VSNL1: variants seen among roughly 807,000 people sequenced by gnomAD.
VSNL1 encodes visinin-like protein 1.
Under a neutral mutation model 20.4 loss-of-function variants are expected in VSNL1, and 6 were observed. That is an observed-to-expected ratio of 0.29 (90% CI 0.16 to 0.58). The LOEUF (loss-of-function observed/expected upper bound fraction) is 0.58. Among genes scored for constraint, VSNL1 ranks in the 20% least tolerant of loss-of-function variants. VSNL1 has a pLI of 0.90. For synonymous variants in VSNL1, 93 were observed against 86.4 expected (o/e 1.08, Z -0.42); for missense variants, 100 against 234.5 (o/e 0.43, Z 3.75).
At chr2:17,626,465 A>G (rs531765803) in intron 2 of VSNL1, among the ~76,000 whole-genome samples, 155 of 152,300 alleles carry the variant, frequency 1.0e-3, no homozygotes, top group Non-Finnish European at 2.0e-3. Context: ...GCGAAGTCCT[A>G]AGCGACAGCC....
At chr2:17,593,213 AG>A (rs1381903886) in intron 2 of VSNL1, among the ~76,000 whole-genome samples, 1 of 152,204 alleles carries the variant, frequency 6.6e-6, no homozygotes, top group Non-Finnish European at 1.5e-5. Flanking sequence ...GTACTGTACA[AG>A]AAGGGGCATG....
intron 1 of VSNL1, among the ~76,000 whole-genome samples, chr2:17,549,526 G>A (rs1663478798): frequency 1.3e-5 from 2 of 152,064 alleles, no homozygotes; most frequent in South Asian, 4.1e-4. Context: ...GCATTAAAAA[G>A]GAAGGCCTAT....
At chr2:17,578,247 G>A (rs779347891) in intron 1 of VSNL1, among the ~76,000 whole-genome samples, 12 of 152,226 alleles carry the variant, frequency 7.9e-5, no homozygotes, top group Non-Finnish European at 1.6e-4. Flanking sequence ...GAGAAGGCCC[G>A]GGTCTTTGCT....
At chr2:17,652,800 T>G (rs1046379450) in intron 3 of VSNL1, among the ~76,000 whole-genome samples, 1 of 152,186 alleles carries the variant, frequency 6.6e-6, no homozygotes, top group Non-Finnish European at 1.5e-5. Flanking sequence ...TCTGAGGCTT[T>G]CTTTCTGCCT....
upstream of VSNL1, among the ~76,000 whole-genome samples, chr2:17,540,452 T>G (rs1046428437): frequency 6.6e-6 from 1 of 152,236 alleles, no homozygotes; most frequent in African/African-American, 2.4e-5. Flanking sequence ...TCCTATATAC[T>G]TTCCTTTTGA....
chr2:17,638,553 A>G (rs1441214794), intron 2 of VSNL1, among the ~76,000 whole-genome samples: 1 of 152,134 alleles, frequency 6.6e-6, no homozygotes, highest in East Asian at 1.9e-4. Context: ...ACCTGGACTC[A>G]TGCACACTGA....
chr2:17,637,771 G>C (rs1011914749), intron 2 of VSNL1, among the ~76,000 whole-genome samples: 1 of 152,224 alleles, frequency 6.6e-6, no homozygotes, highest in Admixed American at 6.5e-5. Flanking sequence ...ACCAGTGAGA[G>C]CAGGGCACTG....
chr2:17,554,162 T>A (rs916320839), intron 1 of VSNL1, among the ~76,000 whole-genome samples: 1 of 152,200 alleles, frequency 6.6e-6, no homozygotes, highest in African/African-American at 2.4e-5. Context: ...CTATGTTATC[T>A]GAGAATCACC....
chr2:17,641,914 G>A (rs1320829143), intron 2 of VSNL1, among the ~76,000 whole-genome samples: 1 of 152,204 alleles, frequency 6.6e-6, no homozygotes, highest in Non-Finnish European at 1.5e-5. Flanking sequence ...GGAATGGTAG[G>A]TGCTTTGGTC....
intron 2 of VSNL1, among the ~76,000 whole-genome samples, chr2:17,592,658 T>C (rs1324523871): frequency 1.6e-5 from 2 of 122,260 alleles, no homozygotes; most frequent in African/African-American, 3.0e-5. Flanking sequence ...TTTTTTTTTT[T>C]TTTTTTTTTT....
chr2:17,596,750 A>T (rs1216594915), intron 2 of VSNL1, among the ~76,000 whole-genome samples: 1 of 152,050 alleles, frequency 6.6e-6, no homozygotes, highest in East Asian at 1.9e-4. Flanking sequence ...TTTAAAAAAA[A>T]TGGGATTTGG....
chr2:17,624,519 T>G (rs182021621), intron 2 of VSNL1, among the ~76,000 whole-genome samples: 7 of 152,322 alleles, frequency 4.6e-5, no homozygotes, highest in Admixed American at 3.3e-4. Context: ...GCATTCTGTA[T>G]TATCCAGGTG....
In VSNL1 at chr2:17,554,583, T is replaced by G. The variant is rs146909766; in HGVS notation, c.-6+13665T>G. 4.1e-3 allele frequency among the ~76,000 whole-genome samples: 618 copies of G among 152,244 alleles called. 6 individuals are homozygous for G. The highest frequency in any genetic ancestry group is 0.014 in the African/African-American group (580 of 41,552). ...TTTTTAAACTCATTTAACAAAACTCTAACAACCAGAACTAAAGAGGGCTGC... is the reference window on the plus strand; with the variant it reads ...TTTTTAAACTCATTTAACAAAACTCGAACAACCAGAACTAAAGAGGGCTGC... On this transcript the variant is annotated intron_variant, in intron 1 of 3. Transcript: ENST00000295156.
chr2:17,578,300 C>T (rs560930335), intron 1 of VSNL1, among the ~76,000 whole-genome samples: 1 of 152,312 alleles, frequency 6.6e-6, no homozygotes, highest in South Asian at 2.1e-4. Context: ...GCACTGATAA[C>T]TGGCTCTTTG....
At chr2:17,637,717 A>C (rs1049283693) in intron 2 of VSNL1, among the ~76,000 whole-genome samples, 1 of 152,158 alleles carries the variant, frequency 6.6e-6, no homozygotes, top group African/African-American at 2.4e-5. Context: ...CTGAAGCAGA[A>C]TTTGCATTTT....
intron 1 of VSNL1, among the ~76,000 whole-genome samples, chr2:17,577,027 C>T (rs887653890): frequency 6.6e-6 from 1 of 152,218 alleles, no homozygotes; most frequent in Non-Finnish European, 1.5e-5. Context: ...TAGCCTACTA[C>T]ACACCTGCCT....
intron 2 of VSNL1, among the ~76,000 whole-genome samples, chr2:17,608,337 G>A (rs79094579): frequency 0.035 from 5,263 of 152,294 alleles, 121 homozygotes; most frequent in Non-Finnish European, 0.056. Context: ...TGTCTACCAG[G>A]AGCACGATAA....
intron 2 of VSNL1, among the ~76,000 whole-genome samples, chr2:17,611,702 C>G (rs1370029122): frequency 6.6e-6 from 1 of 152,186 alleles, no homozygotes; most frequent in Non-Finnish European, 1.5e-5. Flanking sequence ...GTCTCCAGCA[C>G]CCCCACTTCC....
chr2:17,603,508 C>T (rs1664877462), intron 2 of VSNL1, among the ~76,000 whole-genome samples: 1 of 152,174 alleles, frequency 6.6e-6, no homozygotes, highest in Non-Finnish European at 1.5e-5. Context: ...CACAAACATT[C>T]AGACTCTATC....
Sources: gnomAD v4.1 joint callset for allele counts (sites outside exome capture counted in the v4.1 genomes callset) on GRCh38, gnomAD v4.1.1 for gene constraint, MANE v1.5 for transcripts, NCBI Gene and HGNC (gene_info 2026-07-23, HGNC 2026-07-21) for gene names.